Variants in OSBPL1A observed in about 807,000 individuals in gnomAD.
OSBPL1A encodes the protein oxysterol binding protein like 1A, also known as oxysterol-binding protein-related protein 1.
OSBPL1A carries 80 observed loss-of-function variants against 137.1 expected under a neutral mutation model. That is an observed-to-expected ratio of 0.58 (90% CI 0.49 to 0.70). The LOEUF is 0.70. Ranked by LOEUF, OSBPL1A falls within the 30% of genes least tolerant of loss-of-function variation. The probability of loss-of-function intolerance (pLI) is 0.00; values close to 1 mark genes in which losing one functional copy is unlikely to be tolerated. For synonymous variants in OSBPL1A, 365 were observed against 389.7 expected (o/e 0.94, Z 0.75); for missense variants, 970 against 1,129.4 (o/e 0.86, Z 2.02).
At chr18:24,197,691 T>C (rs1466712383) in intron 17 of OSBPL1A, among the ~76,000 whole-genome samples, 6 of 152,064 alleles carry the variant, frequency 3.9e-5, no homozygotes, top group Non-Finnish European at 8.8e-5. Flanking sequence ...ATACCAGGAA[T>C]AAGAATCCCT....
chr18:24,185,800 G>T (rs1186117818), intron 18 of OSBPL1A, among the ~76,000 whole-genome samples: 1 of 152,140 alleles, frequency 6.6e-6, no homozygotes. Flanking sequence ...GGCCAAGCAT[G>T]GTGGCTCACA....
At chr18:24,283,264 C>CAA (rs67218844) in intron 14 of OSBPL1A, among the ~76,000 whole-genome samples, 3,884 of 30,596 alleles carry the variant, frequency 0.13, 509 homozygotes, top group African/African-American at 0.2. Flanking sequence ...GACTCCATCT[C>CAA]AAAAAAAAAA....
rs563166497 is a variant in OSBPL1A at position 24,317,792 on chromosome 18, A to G, written c.733-392T>C. Among the ~76,000 whole-genome samples, 10 of 152,358 alleles carry G rather than the reference A, an allele frequency of 6.6e-5. No individual in the cohort carries two copies. In the South Asian group the frequency reaches 2.1e-3, roughly 32 times the overall value. On this transcript the variant is annotated intron_variant, in intron 9 of 27. Coordinates refer to ENST00000319481, the MANE Select transcript of OSBPL1A (RefSeq NM_080597.4). ...AATATAAGCATACAGATACATAAAT[A>G]GATTAAGGGATTGCTTGCAAATGCA...
intron 4 of OSBPL1A, among the ~76,000 whole-genome samples, chr18:24,351,359 A>AAAAAAAAAAAAAAAAAAAAAAAAAAC (rs1211272827): frequency 6.6e-6 from 1 of 150,382 alleles, no homozygotes; most frequent in Admixed American, 6.7e-5. Flanking sequence ...AAAAAAAAAA[A>AAAAAAAAAAAAAAAAAAAAAAAAAAC]AAAAAAAAAA....
At chr18:24,293,949 A>G (rs1238697501) in intron 14 of OSBPL1A, among the ~76,000 whole-genome samples, 1 of 152,152 alleles carries the variant, frequency 6.6e-6, no homozygotes, top group African/African-American at 2.4e-5. Context: ...GGTGGCTTGG[A>G]CCAGGTGGCA....
At position 24,225,180 on chromosome 18, in the gene OSBPL1A, G is replaced by A; in HGVS notation, c.1463C>T (p.Ser488Phe). Residue 488 changes from serine (S) to phenylalanine (F), a missense_variant, in exon 17 of 28, where the codon TCC becomes TTC. By Grantham distance (155) the Ser-to-Phe change is radical (BLOSUM62 -2). Around this residue, in one of 2 missense-constraint regions of OSBPL1A, gnomAD observed 647 missense variants for 672.6 expected, o/e 0.96. Transcript: ENST00000319481. ...DALSDSESERSLSRLEAVTAR... is the reference protein window; with the variant it reads ...DALSDSESERFLSRLEAVTAR... ...TGTCACTGCTTCCAATCTACTCAGG[G>A]ACCTTTCGGACTCGGAATCTGTGGC... 2 of 1,614,038 alleles carry A rather than the reference G, an allele frequency of 1.2e-6. No individual in the cohort carries two copies. The highest frequency in any genetic ancestry group is 1.7e-6 in the Non-Finnish European group (2 of 1,179,976).
At chr18:24,341,745 T>C (rs1451676664) in intron 4 of OSBPL1A, 87 bp from the exon 5 acceptor site, 2 of 768,752 alleles carry the variant, frequency 2.6e-6, no homozygotes, top group Non-Finnish European at 4.2e-6. Flanking sequence ...TACTACAGAG[T>C]CTCCACAATA....
In OSBPL1A at chr18:24,265,535, A is replaced by G. The variant is rs550218910; in HGVS notation, c.1281+15307T>C. On this transcript the variant is annotated intron_variant, in intron 15 of 27. Transcript: ENST00000319481. ...TTACTAAGAATTATGCTCACAAATC[A>G]TTTCTAATCCAGCTGTTCAGAACCC... Among the ~76,000 whole-genome samples the G allele has an allele frequency of 3.2e-4, 49 of 152,272 alleles. No homozygotes were observed. In the East Asian group the frequency reaches 7.7e-3, roughly 24 times the overall value.
intron 2 of OSBPL1A, among the ~76,000 whole-genome samples, chr18:24,368,958 G>T (rs568702357): frequency 1.3e-5 from 2 of 152,126 alleles, no homozygotes; most frequent in Non-Finnish European, 2.9e-5. Context: ...TGCTATTCTC[G>T]TGACAGTGAG....
intron 15 of OSBPL1A, among the ~76,000 whole-genome samples, chr18:24,251,739 G>T (rs552188106): frequency 2.0e-5 from 3 of 152,102 alleles, no homozygotes; most frequent in Non-Finnish European, 4.4e-5. Context: ...AAGGCAGCAG[G>T]GGCCGATCCT....
intron 16 of OSBPL1A, among the ~76,000 whole-genome samples, chr18:24,233,092 T>C (rs984633346): frequency 6.6e-6 from 1 of 152,224 alleles, no homozygotes; most frequent in Non-Finnish European, 1.5e-5. Flanking sequence ...TAATGCGTTC[T>C]GAACCTACAA....
chr18:24,210,307 C>T (rs1458057589), intron 17 of OSBPL1A, among the ~76,000 whole-genome samples: 2 of 152,044 alleles, frequency 1.3e-5, no homozygotes, highest in Non-Finnish European at 2.9e-5. Flanking sequence ...GGCCTGTAAT[C>T]CCAACTACTT....
chr18:24,373,248 C>A (rs975034052), intron 2 of OSBPL1A, among the ~76,000 whole-genome samples: 2 of 152,112 alleles, frequency 1.3e-5, no homozygotes, highest in Non-Finnish European at 2.9e-5. Context: ...TATTAAAACA[C>A]TAAAATACCA....
At chr18:24,171,295 G>C (rs2086279722) in intron 23 of OSBPL1A, 114 bp downstream of exon 23, 2 of 747,788 alleles carry the variant, frequency 2.7e-6, no homozygotes, top group Non-Finnish European at 4.4e-6. Context: ...GCCTCCCAAA[G>C]TGCTGGGATT....
At chr18:24,335,122 C>T (rs991682592) in intron 5 of OSBPL1A, among the ~76,000 whole-genome samples, 7 of 152,166 alleles carry the variant, frequency 4.6e-5, no homozygotes, top group African/African-American at 1.7e-4. Context: ...AACTCCTGGC[C>T]TGAAGCAGTC....
chr18:24,219,942 T>C (rs1233310314), intron 17 of OSBPL1A, among the ~76,000 whole-genome samples: 1 of 152,222 alleles, frequency 6.6e-6, no homozygotes, highest in Non-Finnish European at 1.5e-5. Flanking sequence ...GATGAGGTTT[T>C]CAAATTGGAG....
At chr18:24,244,955 T>C (rs1042824394) in intron 15 of OSBPL1A, among the ~76,000 whole-genome samples, 10 of 152,230 alleles carry the variant, frequency 6.6e-5, no homozygotes, top group Non-Finnish European at 1.3e-4. Context: ...AGTTATAAGA[T>C]AGGTACAATT....
chr18:24,291,035 T>G (rs548713462), intron 14 of OSBPL1A, among the ~76,000 whole-genome samples: 14 of 152,146 alleles, frequency 9.2e-5, no homozygotes, highest in African/African-American at 3.4e-4. Flanking sequence ...AACTACTCTA[T>G]ATGGACACCT....
intron 6 of OSBPL1A, among the ~76,000 whole-genome samples, chr18:24,333,576 C>T (rs1164836160): frequency 3.9e-5 from 6 of 152,172 alleles, no homozygotes; most frequent in Admixed American, 6.5e-5. Flanking sequence ...TTAAAAACTG[C>T]TTTAGGTGCT....
Sources: allele counts gnomAD v4.1 joint callset (sites outside exome capture counted in the v4.1 genomes callset), GRCh38; gene constraint gnomAD v4.1.1; regional missense constraint gnomAD v4.1.1; transcripts MANE v1.5; gene names NCBI Gene and HGNC (gene_info 2026-07-23, HGNC 2026-07-21).